Variants in YTHDC1 observed in about 807,000 individuals in gnomAD.
YTHDC1 encodes YTH N6-methyladenosine RNA binding protein C1, also known as YTH domain-containing protein 1.
A neutral mutation model predicts 107.0 loss-of-function variants in YTHDC1; 12 were observed. The observed-to-expected ratio is 0.11, with a 90% CI of 0.07 to 0.18. The LOEUF (loss-of-function observed/expected upper bound fraction) is 0.18, where lower values mean the gene tolerates loss of function less well. Ranked by LOEUF, YTHDC1 falls within the 10% of genes least tolerant of loss-of-function variation. YTHDC1 has a pLI of 1.00. For missense variants in YTHDC1, 635 were observed against 898.8 expected, an observed-to-expected ratio of 0.71 and a Z score of 3.75; for synonymous variants, 280 against 289.5, an observed-to-expected ratio of 0.97 and a Z score of 0.33.
intron 16 of YTHDC1, among the ~76,000 whole-genome samples, chr4:68,314,911 C>CTGATTT (rs1300732868): frequency 6.6e-6 from 1 of 152,202 alleles, no homozygotes; most frequent in East Asian, 1.9e-4. Flanking sequence ...GCTTACCTTA[C>CTGATTT]TGATTTTGGT....
At chr4:68,328,075 CA>C (rs1723191372) in intron 9 of YTHDC1, among the ~76,000 whole-genome samples, 2 of 152,042 alleles carry the variant, frequency 1.3e-5, no homozygotes, top group South Asian at 4.2e-4. Context: ...GTAGAATAGT[CA>C]ATAAGTCAAT....
chr4:68,327,335 TA>T, intron 9 of YTHDC1, among the ~76,000 whole-genome samples: 1 of 152,324 alleles, frequency 6.6e-6, no homozygotes, highest in Admixed American at 6.5e-5. Context: ...TCAGTAAATG[TA>T]ACTCTGGATG....
chr4:68,349,686 CCCAG>C, intron 1 of YTHDC1, 36 bp downstream of exon 1: 1 of 1,474,336 alleles, frequency 6.8e-7, no homozygotes, highest in South Asian at 1.1e-5. Flanking sequence ...ACTCCCGGGC[CCCAG>C]CCTCGCCTCG....
At chr4:68,348,440 T>C (rs191349475) in intron 1 of YTHDC1, among the ~76,000 whole-genome samples, 97 of 137,322 alleles carry the variant, frequency 7.1e-4, no homozygotes, top group Non-Finnish European at 1.7e-4. Context: ...ACTAACACCA[T>C]ACAATCCTAT....
chr4:68,330,351 C>T (rs767298220), intron 7 of YTHDC1, 41 bp from the exon 8 acceptor site: 28 of 1,334,184 alleles, frequency 2.1e-5, no homozygotes, highest in Admixed American at 4.9e-5. Context: ...AAATTAACTA[C>T]AACTCTTTTG....
In YTHDC1 at chr4:68,337,841, CAGA is replaced by C. The variant is rs1435675334; in HGVS notation, c.187_189del (p.Ser63del). The C allele has an allele frequency of 6.2e-7, 1 of 1,613,444 alleles. No homozygotes were observed. Among genetic ancestry groups the C allele is most frequent in the East Asian group, 2.2e-5 (1 of 44,868 alleles). ...TTAGAAACCAGTTGTCTAGAATGGA[CAGA>C]AGGCTTTTGTCGTTTGGTATCAGTA... On this transcript the variant is annotated inframe_deletion, in exon 3 of 17. Transcript: ENST00000344157.
chr4:68,342,745 T>C (rs1003150237), intron 1 of YTHDC1, among the ~76,000 whole-genome samples: 3 of 152,186 alleles, frequency 2.0e-5, no homozygotes, highest in African/African-American at 7.2e-5. Flanking sequence ...TTCATTTTTT[T>C]AACGTAGAAT....
At chr4:68,317,003 A>C (rs921935583) in intron 15 of YTHDC1, among the ~76,000 whole-genome samples, 2 of 152,150 alleles carry the variant, frequency 1.3e-5, no homozygotes, top group African/African-American at 4.8e-5. Context: ...AGGCTGAGGG[A>C]AAAGAATCCC....
At chr4:68,330,888 A>G (rs533257412) in intron 7 of YTHDC1, among the ~76,000 whole-genome samples, 2 of 152,304 alleles carry the variant, frequency 1.3e-5, no homozygotes, top group South Asian at 2.1e-4. Context: ...TTCTTCATTC[A>G]TAACAGATAA....
chr4:68,342,378 T>C (rs1302552963), intron 1 of YTHDC1, among the ~76,000 whole-genome samples: 1 of 152,080 alleles, frequency 6.6e-6, no homozygotes, highest in Non-Finnish European at 1.5e-5. Flanking sequence ...TTTTACATGG[T>C]AGTTTAGGAC....
rs1033584811 is a variant in YTHDC1, at chr4:68,318,382, G to A, written c.1824+137C>T. 8.8e-6 allele frequency: 7 copies of A among 796,988 alleles called. No individual in the cohort carries two copies. The Admixed American group carries it at 2.1e-4, about 24-fold the overall frequency. 49.4% of individuals were successfully genotyped at this position (796,988 alleles called of 1,614,324 possible). ...CTCAGCCTCCCAAAGTGCTGGGACT[G>A]CAGGTGTGAGCCACGGCGCCTGGCC... is the stretch of plus-strand genomic sequence containing the variant. On this transcript the variant is annotated intron_variant, in intron 15 of 16. Transcript: ENST00000344157.
chr4:68,336,928 A>G (rs1420259336), intron 4 of YTHDC1, 99 bp downstream of exon 4: 2 of 1,385,988 alleles, frequency 1.4e-6, no homozygotes, highest in East Asian at 4.8e-5. Flanking sequence ...TCCTATTAAT[A>G]TCCCCCATCT....
rs1290005765 is a variant in YTHDC1 at position 68,337,357 on chromosome 4, T to A, written c.553A>T (p.Thr185Ser). 2.5e-6 allele frequency: 4 copies of A among 1,613,972 alleles called. No individual in the cohort carries two copies. Among genetic ancestry groups the A allele is most frequent in the Admixed American group, 1.7e-5 (1 of 59,964 alleles). Residue 185 changes from threonine to serine, a missense_variant, in exon 4 of 17, where the codon ACT becomes TCT. Physicochemically the swap from Thr to Ser is moderately conservative, Grantham distance 58 (BLOSUM62 1). Coordinates refer to ENST00000344157, the MANE Select transcript of YTHDC1 (RefSeq NM_001031732.4). ...NSEEYGSDHETGSSGSSDEQG... is the reference protein window; with the variant it reads ...NSEEYGSDHESGSSGSSDEQG... Reference sequence around the variant, plus strand: ...TCATCAGAAGAACCACTGCTGCCAGTCTCATGGTCAGAGCCATATTCTTCA... The same window carrying A: ...TCATCAGAAGAACCACTGCTGCCAGACTCATGGTCAGAGCCATATTCTTCA...
chr4:68,314,099 T>C lies in YTHDC1; in HGVS notation c.2184A>G (p.Ter728=), dbSNP rs1721546525. The change falls in exon 17 of 17, where the codon TAA becomes TAG. Residue 728 remains the stop codon, a stop_retained_variant. Transcript: ENST00000344157. ...DRGERGRYRR[*] Reference sequence around the variant, plus strand: ...AACAATCAGTGCTTCCAAAAGCCCATTATCTTCTATATCGACCTCTCTCCC... The same window carrying C: ...AACAATCAGTGCTTCCAAAAGCCCACTATCTTCTATATCGACCTCTCTCCC... 1.2e-6 allele frequency: 2 copies of C among 1,613,678 alleles called. No individual in the cohort carries two copies. Among genetic ancestry groups the C allele is most frequent in the Admixed American group, 1.7e-5 (1 of 59,932 alleles).
chr4:68,327,640 T>C (rs191531707), intron 9 of YTHDC1, among the ~76,000 whole-genome samples: 1 of 152,326 alleles, frequency 6.6e-6, no homozygotes, highest in Non-Finnish European at 1.5e-5. Context: ...AATATAAATC[T>C]AATAATTATT....
intron 12 of YTHDC1, 108 bp downstream of exon 12, chr4:68,320,015 G>C: frequency 1.1e-6 from 1 of 936,512 alleles, no homozygotes; most frequent in Non-Finnish European, 1.6e-6. Context: ...GTCAGGTCCT[G>C]AATTTTTTTC....
Position 68,337,328 on chromosome 4 carries a change from T to A in YTHDC1, c.582A>T (p.Gln194His), listed in dbSNP as rs762362432. ...CCTCCTCATTCTCAGTGTTGTTCCC[T>A]TGCTCATCAGAAGAACCACTGCTGC... ...ETGSSGSSDE[Q>H]GNNTENEEEG... is the part of the protein sequence containing the mutation. The change falls in exon 4 of 17, where the codon CAA becomes CAT. Residue 194 changes from glutamine to histidine, a missense_variant. Gln to His is a conservative substitution (Grantham distance 24, BLOSUM62 0). Coordinates refer to ENST00000344157, the MANE Select transcript of YTHDC1 (RefSeq NM_001031732.4). The A allele has an allele frequency of 3.7e-6, 6 of 1,613,966 alleles. No individual in the cohort carries two copies. In the African/African-American group the frequency reaches 8.0e-5, roughly 22 times the overall value.
chr4:68,340,958 C>T (rs1353754815), intron 1 of YTHDC1, among the ~76,000 whole-genome samples: 1 of 152,064 alleles, frequency 6.6e-6, no homozygotes, highest in Non-Finnish European at 1.5e-5. Context: ...AATTCAAATT[C>T]AGATACTGGT....
At chr4:68,320,505 TAAAC>T (rs919733881) in intron 11 of YTHDC1, among the ~76,000 whole-genome samples, 5 of 152,064 alleles carry the variant, frequency 3.3e-5, no homozygotes, top group African/African-American at 7.2e-5. Context: ...TAAACAAAAG[TAAAC>T]AAAGTCATTC....
Sources: allele counts gnomAD v4.1 joint callset (sites outside exome capture counted in the v4.1 genomes callset), GRCh38; gene constraint gnomAD v4.1.1; transcripts MANE v1.5; gene names NCBI Gene and HGNC (gene_info 2026-07-23, HGNC 2026-07-21).